Variants in SLC15A5 observed in about 807,000 individuals in gnomAD.
SLC15A5 encodes Peptide/histidine transporter ENSP00000340402.
A neutral mutation model predicts 56.1 loss-of-function variants in SLC15A5; 58 were observed. The ratio of observed to expected loss-of-function variants is 1.03; its 90% CI spans 0.84 to 1.29. The LOEUF is 1.29. Ranked by LOEUF, SLC15A5 falls within the 50% of genes most tolerant of loss-of-function variation. The pLI is 0.00. For synonymous variants in SLC15A5, 264 were observed against 250.5 expected, an observed-to-expected ratio of 1.05 and a Z score of -0.51; for missense variants, 681 against 672.1, an observed-to-expected ratio of 1.01 and a Z score of -0.15.
intron 6 of SLC15A5, 130 bp downstream of exon 6, chr12:16,224,284 C>T: frequency 1.3e-6 from 1 of 745,016 alleles, no homozygotes; most frequent in Non-Finnish European, 2.0e-6. Flanking sequence ...AATAAATTTG[C>T]TGGAAGTATT....
chr12:16,199,304 CAAAAAAA>C (rs10687463), intron 7 of SLC15A5, among the ~76,000 whole-genome samples: 17 of 91,362 alleles, frequency 1.9e-4, no homozygotes, highest in African/African-American at 2.6e-4. Context: ...TAGACTGTCT[CAAAAAAA>C]AAAAAAAAAA....
intron 2 of SLC15A5, among the ~76,000 whole-genome samples, chr12:16,263,804 C>T (rs1193478974): frequency 6.6e-6 from 1 of 152,172 alleles, no homozygotes; most frequent in Non-Finnish European, 1.5e-5. Context: ...AACCCCAAGC[C>T]TTGGCAGCTT....
chr12:16,206,742 A>G (rs1243788391), intron 7 of SLC15A5, among the ~76,000 whole-genome samples: 1 of 152,300 alleles, frequency 6.6e-6, no homozygotes, highest in East Asian at 1.9e-4. Flanking sequence ...TTTAATGTGC[A>G]TTTCCAGATC....
In SLC15A5 at chr12:16,271,526, A is replaced by G. The variant is rs925243178; in HGVS notation, c.584+1035T>C. ...CTGACATTAGGACTTAATCCAAAAT[A>G]GGGCTGAGTGCTTTGTAATATTAAT... On this transcript the variant is annotated intron_variant, in intron 2 of 8. Coordinates refer to ENST00000344941, the MANE Select transcript of SLC15A5 (RefSeq NM_001170798.1). This position sits in a 1 kb window ranked among gnomAD's most constrained non-coding sequence, Gnocchi z 8.0. Among the ~76,000 whole-genome samples, 1 of 152,130 alleles carries G rather than the reference A, an allele frequency of 6.6e-6. No individual in the cohort carries two copies. Among genetic ancestry groups the G allele is most frequent in the Non-Finnish European group, 1.5e-5 (1 of 68,014 alleles).
rs550926403 is a variant in SLC15A5, at chr12:16,237,718, T to C, written c.1162+1963A>G. ...TGTTGTATAGAATATTTTTCTAGGGTACCCAAAATTTTAAAATTTGTGGTA... is the reference window on the plus strand; with the variant it reads ...TGTTGTATAGAATATTTTTCTAGGGCACCCAAAATTTTAAAATTTGTGGTA... On this transcript the variant is annotated intron_variant, in intron 5 of 8. Coordinates refer to ENST00000344941, the MANE Select transcript of SLC15A5 (RefSeq NM_001170798.1). The surrounding 1 kb of genome is among the most constrained non-coding windows in gnomAD (Gnocchi z 4.1). 3.3e-5 allele frequency among the ~76,000 whole-genome samples: 5 copies of C among 152,270 alleles called. No individual in the cohort carries two copies. In the South Asian group the frequency reaches 8.3e-4, roughly 25 times the overall value.
Position 16,237,374 on chromosome 12 carries a change from G to A in SLC15A5, c.1162+2307C>T, listed in dbSNP as rs1433823275. Among the ~76,000 whole-genome samples the A allele has an allele frequency of 2.0e-5, 3 of 152,172 alleles. No individual in the cohort carries two copies. Among genetic ancestry groups the A allele is most frequent in the Non-Finnish European group, 4.4e-5 (3 of 68,028 alleles). ...CAAATCAATGAATGAATGGAGTGGGGTTCAGAAACAACTGAAATCAGTATT... is the reference window on the plus strand; with the variant it reads ...CAAATCAATGAATGAATGGAGTGGGATTCAGAAACAACTGAAATCAGTATT... On this transcript the variant is annotated intron_variant, in intron 5 of 8. Transcript: ENST00000344941. This position sits in a 1 kb window ranked among gnomAD's most constrained non-coding sequence, Gnocchi z 4.1.
At position 16,189,760 on chromosome 12, in the gene SLC15A5, C is replaced by A. The variant is rs1409238019; in HGVS notation, c.1648G>T (p.Glu550Ter). Residue 550 changes from glutamate to a stop codon, truncating the protein, a stop_gained, in exon 9 of 9, where the codon GAA becomes TAA. Transcript: ENST00000344941. LOFTEE classifies it high-confidence loss of function. Reference protein sequence around the residue: ...AQNIRGSNLEETLLLHEKSLK... With the variant: ...AQNIRGSNLE ...GATTTTTCGTGGAGGAGAAGTGTTT[C>A]TTCAAGATTACTTCCACGGATGTTC... 2.0e-6 allele frequency: 3 copies of A among 1,529,302 alleles called. No individual in the cohort carries two copies. The highest frequency in any genetic ancestry group is 2.6e-6 in the Non-Finnish European group (3 of 1,143,010). The allele number at this position is 1,529,302 out of a possible 1,614,324, so 94.7% of individuals were successfully genotyped here.
At chr12:16,213,303 A>G (rs1018277257) in intron 7 of SLC15A5, among the ~76,000 whole-genome samples, 1 of 152,162 alleles carries the variant, frequency 6.6e-6, no homozygotes, top group Non-Finnish European at 1.5e-5. Context: ...CTTCAGAACA[A>G]CGTAATATAT....
intron 2 of SLC15A5, among the ~76,000 whole-genome samples, chr12:16,266,862 A>T (rs144658343): frequency 1.3e-5 from 2 of 152,332 alleles, no homozygotes; most frequent in Non-Finnish European, 2.9e-5. Context: ...TTTTAAATAC[A>T]GACTGAGAAC....
chr12:16,242,526 A>T (rs568504076), intron 4 of SLC15A5, among the ~76,000 whole-genome samples: 1 of 152,330 alleles, frequency 6.6e-6, no homozygotes, highest in East Asian at 1.9e-4. Context: ...AGTAATAGCC[A>T]TGTAGCCTTG....
At position 16,237,858 on chromosome 12, in the gene SLC15A5, T is replaced by A. The variant is rs1273891750; in HGVS notation, c.1162+1823A>T. Among the ~76,000 whole-genome samples, 1 of 152,190 alleles carries A rather than the reference T, an allele frequency of 6.6e-6. No homozygotes were observed. The highest frequency in any genetic ancestry group is 1.5e-5 in the Non-Finnish European group (1 of 68,028). On this transcript the variant is annotated intron_variant, in intron 5 of 8. Coordinates refer to ENST00000344941, the MANE Select transcript of SLC15A5 (RefSeq NM_001170798.1). The surrounding 1 kb of genome is among the most constrained non-coding windows in gnomAD (Gnocchi z 4.1). ...CTCCTATTTTGTCCTGCATGCATTA[T>A]GTTTCAATCATGGACTTGCTGAAGG...
chr12:16,202,786 A>C (rs1863970486), intron 7 of SLC15A5, among the ~76,000 whole-genome samples: 1 of 152,214 alleles, frequency 6.6e-6, no homozygotes, highest in African/African-American at 2.4e-5. Flanking sequence ...AGCCTTAAAA[A>C]AGAAGAAAAT....
At chr12:16,215,306 A>G (rs1012750239) in intron 7 of SLC15A5, among the ~76,000 whole-genome samples, 2 of 151,816 alleles carry the variant, frequency 1.3e-5, no homozygotes, top group African/African-American at 4.8e-5. Context: ...TTAAGCCTGC[A>G]TATGAAACAT....
chr12:16,210,878 AAGGT>A (rs1864073427), intron 7 of SLC15A5, among the ~76,000 whole-genome samples: 1 of 152,226 alleles, frequency 6.6e-6, no homozygotes, highest in Non-Finnish European at 1.5e-5. Flanking sequence ...TGTGGAGTAA[AAGGT>A]TAATGATATA....
chr12:16,257,656 A>T, intron 3 of SLC15A5, 45 bp downstream of exon 3: 1 of 1,325,496 alleles, frequency 7.5e-7, no homozygotes, highest in Non-Finnish European at 9.7e-7. Context: ...TCTGTCAAGA[A>T]AACAATATAA....
At chr12:16,189,986 A>T (rs1403822025) in intron 8 of SLC15A5, among the ~76,000 whole-genome samples, 171 bp from the exon 9 acceptor site, 1 of 152,196 alleles carries the variant, frequency 6.6e-6, no homozygotes, top group Admixed American at 6.5e-5. Flanking sequence ...TTAAAAGGAC[A>T]AAAGGAGTTT....
chr12:16,208,621 C>T (rs775620798), intron 7 of SLC15A5, among the ~76,000 whole-genome samples: 1 of 152,120 alleles, frequency 6.6e-6, no homozygotes, highest in Non-Finnish European at 1.5e-5. Flanking sequence ...GAGCTATGAT[C>T]ATGCCACTGC....
intron 2 of SLC15A5, among the ~76,000 whole-genome samples, chr12:16,258,299 G>A (rs1483793163): frequency 2.0e-5 from 3 of 152,124 alleles, no homozygotes; most frequent in African/African-American, 7.2e-5. Context: ...GTATATTCCA[G>A]TTTTCAAAGT....
intron 2 of SLC15A5, among the ~76,000 whole-genome samples, chr12:16,264,950 C>T (rs1285668110): frequency 6.6e-6 from 1 of 152,076 alleles, no homozygotes; most frequent in Non-Finnish European, 1.5e-5. Flanking sequence ...TGGACTAATA[C>T]AGTGATTAAG....
Sources: allele counts gnomAD v4.1 joint callset (sites outside exome capture counted in the v4.1 genomes callset), GRCh38; gene constraint gnomAD v4.1.1; non-coding constraint Gnocchi (gnomAD v3.1); transcripts MANE v1.5; gene names NCBI Gene and HGNC (gene_info 2026-07-23, HGNC 2026-07-21).